Variants in PPP1R16B observed in about 807,000 individuals in gnomAD.
PPP1R16B encodes the protein protein phosphatase 1 regulatory inhibitor subunit 16B.
A neutral mutation model predicts 61.7 loss-of-function variants in PPP1R16B; 14 were observed. The ratio of observed to expected loss-of-function variants is 0.23; its 90% CI spans 0.15 to 0.35. The LOEUF (loss-of-function observed/expected upper bound fraction) is 0.35, where lower values mean the gene tolerates loss of function less well. PPP1R16B is among the 10% of genes least tolerant of loss of function. The pLI is 1.00. For missense variants in PPP1R16B, 547 were observed against 752.5 expected (o/e 0.73, Z 3.19); for synonymous variants, 266 against 305.3 (o/e 0.87, Z 1.34).
chr20:38,899,531 A>G (rs2145771928), intron 4 of PPP1R16B, among the ~76,000 whole-genome samples: 1 of 152,346 alleles, frequency 6.6e-6, no homozygotes, highest in Non-Finnish European at 1.5e-5. Flanking sequence ...CATGGCATCC[A>G]GGGCCATTCT....
intron 3 of PPP1R16B, among the ~76,000 whole-genome samples, chr20:38,892,413 C>T (rs576292196): frequency 1.2e-4 from 18 of 152,188 alleles, no homozygotes; most frequent in Admixed American, 5.2e-4. Context: ...AGCTGAAACC[C>T]GCACCTCACC....
At chr20:38,855,388 C>T (rs982203692) in intron 2 of PPP1R16B, among the ~76,000 whole-genome samples, 5 of 151,612 alleles carry the variant, frequency 3.3e-5, no homozygotes, top group Admixed American at 1.3e-4. Flanking sequence ...TAGGATACTT[C>T]GCAAAACTTC....
At chr20:38,884,331 T>C (rs1240687475) in intron 2 of PPP1R16B, among the ~76,000 whole-genome samples, 1 of 152,228 alleles carries the variant, frequency 6.6e-6, no homozygotes, top group African/African-American at 2.4e-5. Context: ...CTTGGAATTA[T>C]GCAAGGCAGT....
At chr20:38,897,566 A>C (rs2085359517) in intron 4 of PPP1R16B, among the ~76,000 whole-genome samples, 1 of 152,186 alleles carries the variant, frequency 6.6e-6, no homozygotes, top group Non-Finnish European at 1.5e-5. Flanking sequence ...GACGAACATG[A>C]GTGTACAAAT....
At chr20:38,911,323 C>T (rs904829726) in intron 10 of PPP1R16B, among the ~76,000 whole-genome samples, 17 of 151,234 alleles carry the variant, frequency 1.1e-4, no homozygotes, top group South Asian at 2.1e-4. Context: ...CCCACCATCA[C>T]GCCCAGCTAA....
chr20:38,827,756 G>A (rs1279686673), intron 1 of PPP1R16B, among the ~76,000 whole-genome samples: 1 of 151,620 alleles, frequency 6.6e-6, no homozygotes. Context: ...GGCCCCAGAA[G>A]TCTCTTTGCT....
In PPP1R16B at chr20:38,889,681, T is replaced by C. The variant is rs778370111; in HGVS notation, c.321+16T>C. Reference sequence around the variant, plus strand: ...CCTACACCAGGTAAGGCCGGGCTCGTTGGGGCTCCAGGGCTCCCTGCCCCT... The same window carrying C: ...CCTACACCAGGTAAGGCCGGGCTCGCTGGGGCTCCAGGGCTCCCTGCCCCT... On this transcript the variant is annotated intron_variant, in intron 3 of 10. Coordinates refer to ENST00000299824, the MANE Select transcript of PPP1R16B (RefSeq NM_015568.4). The C allele has an allele frequency of 7.0e-6, 11 of 1,564,436 alleles. 1 individual carries two copies. The highest frequency in any genetic ancestry group is 5.0e-5 in the Admixed American group (3 of 59,906).
At chr20:38,847,784 T>C (rs548080171) in intron 2 of PPP1R16B, among the ~76,000 whole-genome samples, 1 of 152,266 alleles carries the variant, frequency 6.6e-6, no homozygotes, top group South Asian at 2.1e-4. Context: ...GAGGGAGAGA[T>C]GCCAACTCTT....
chr20:38,869,854 C>A (rs530405379), intron 2 of PPP1R16B, among the ~76,000 whole-genome samples: 2 of 152,168 alleles, frequency 1.3e-5, no homozygotes, highest in Admixed American at 1.3e-4. Flanking sequence ...CCTGCCCCAC[C>A]CCCATCCCGC....
intron 6 of PPP1R16B, 97 bp downstream of exon 6, chr20:38,902,889 TGACCTTG>T: frequency 6.4e-7 from 1 of 1,557,840 alleles, no homozygotes; most frequent in Non-Finnish European, 8.7e-7. Context: ...GGCCTGTCTG[TGACCTTG>T]GACCTCCGCA....
intron 1 of PPP1R16B, among the ~76,000 whole-genome samples, chr20:38,818,412 A>C (rs887370917): frequency 1.3e-5 from 2 of 152,176 alleles, no homozygotes; most frequent in African/African-American, 4.8e-5. Context: ...GGCTGGCCAG[A>C]GAGAAAGCTA....
At chr20:38,909,585 C>G (rs2085472799) in intron 10 of PPP1R16B, among the ~76,000 whole-genome samples, 1 of 152,202 alleles carries the variant, frequency 6.6e-6, no homozygotes, top group South Asian at 2.1e-4. Context: ...AGTGGTCTGC[C>G]ATTTTCGTTC....
intron 4 of PPP1R16B, among the ~76,000 whole-genome samples, chr20:38,900,133 A>G (rs1366945741): frequency 6.6e-6 from 1 of 152,202 alleles, no homozygotes; most frequent in Non-Finnish European, 1.5e-5. Context: ...AGATGGGGCC[A>G]ACAGTATTAA....
rs181957416 is a variant in PPP1R16B, at chr20:38,847,204, G to A, written c.250+11029G>A. Among the ~76,000 whole-genome samples, 191 of 152,264 alleles carry A rather than the reference G, an allele frequency of 1.3e-3. 2 individuals are homozygous for A. The highest frequency in any genetic ancestry group is 4.3e-3 in the African/African-American group (180 of 41,550). ...ACTACCTGCCACATCAATGCTGGAT[G>A]ATGACATTGAAAACACACCTTTGCT... On this transcript the variant is annotated intron_variant, in intron 2 of 10. Coordinates refer to ENST00000299824, the MANE Select transcript of PPP1R16B (RefSeq NM_015568.4).
At chr20:38,901,732 T>G (rs1303987600) in intron 5 of PPP1R16B, among the ~76,000 whole-genome samples, 1 of 152,230 alleles carries the variant, frequency 6.6e-6, no homozygotes, top group Non-Finnish European at 1.5e-5. Flanking sequence ...TTAAATGCAG[T>G]TATAAAAGTA....
rs2085452173 is a variant in PPP1R16B at position 38,907,335 on chromosome 20, AT to A, written c.898+282del. Among the ~76,000 whole-genome samples the A allele has an allele frequency of 6.6e-6, 1 of 151,956 alleles. No individual in the cohort carries two copies. Among genetic ancestry groups the A allele is most frequent in the African/African-American group, 2.4e-5 (1 of 41,358 alleles). ...GGTGGATGGATGGATGGATGGATGG[AT>A]GGATGGATGGATAGACAGAAAAATA... On this transcript the variant is annotated intron_variant, in intron 8 of 10. Coordinates refer to ENST00000299824, the MANE Select transcript of PPP1R16B (RefSeq NM_015568.4). The surrounding 1 kb of genome is among the most constrained non-coding windows in gnomAD (Gnocchi z 4.5).
At chr20:38,873,980 C>T (rs777720018) in intron 2 of PPP1R16B, among the ~76,000 whole-genome samples, 1 of 152,124 alleles carries the variant, frequency 6.6e-6, no homozygotes, top group African/African-American at 2.4e-5. Flanking sequence ...CTGCCCGCCT[C>T]GGCCTCCCAA....
rs745774888 is a variant in PPP1R16B, at chr20:38,918,270, G to A, written c.1308G>A (p.Gln436=). The change falls in exon 11 of 11, where the codon CAG becomes CAA. Residue 436 remains glutamine, a synonymous_variant. Coordinates refer to ENST00000299824, the MANE Select transcript of PPP1R16B (RefSeq NM_015568.4). The surrounding 1 kb of genome is among the most constrained non-coding windows in gnomAD (Gnocchi z 5.3). The part of the protein sequence containing the change: ...NGLRAPVSAY[Q]YALANGDVWK... ...TCCGGGCTCCGGTCAGTGCCTACCA[G>A]TATGCGCTGGCCAACGGGGATGTCT... The A allele has an allele frequency of 9.9e-6, 16 of 1,614,122 alleles. No homozygotes were observed. Among genetic ancestry groups the A allele is most frequent in the Admixed American group, 5.0e-5 (3 of 60,008 alleles).
chr20:38,873,539 A>G (rs2085144614), intron 2 of PPP1R16B, among the ~76,000 whole-genome samples: 1 of 152,142 alleles, frequency 6.6e-6, no homozygotes, highest in Admixed American at 6.5e-5. Flanking sequence ...AGGGTCTCTC[A>G]GGAGGCTGTC....
Sources: allele counts gnomAD v4.1 joint callset (sites outside exome capture counted in the v4.1 genomes callset), GRCh38; gene constraint gnomAD v4.1.1; non-coding constraint Gnocchi (gnomAD v3.1); transcripts MANE v1.5; gene names NCBI Gene and HGNC (gene_info 2026-07-23, HGNC 2026-07-21).